GLI2: variants seen among roughly 807,000 people sequenced by gnomAD.
GLI2 encodes transcription activator GLI2.
GLI2 carries 22 observed loss-of-function variants against 78.9 expected under a neutral mutation model. That is an observed-to-expected ratio of 0.28 (90% CI 0.20 to 0.40). The LOEUF is 0.40. Among genes scored for constraint, GLI2 ranks in the 10% least tolerant of loss-of-function variants. The pLI is 1.00. For missense variants in GLI2, 2,097 were observed against 2,213.2 expected, an observed-to-expected ratio of 0.95 and a Z score of 1.05; for synonymous variants, 974 against 963.7, an observed-to-expected ratio of 1.01 and a Z score of -0.20.
intron 2 of GLI2, among the ~76,000 whole-genome samples, chr2:120,846,831 C>G (rs957841323): frequency 6.6e-6 from 1 of 152,202 alleles, no homozygotes; most frequent in African/African-American, 2.4e-5. Context: ...AGTTGCTGTG[C>G]AGATGGAAGC....
intron 2 of GLI2, among the ~76,000 whole-genome samples, chr2:120,809,027 A>G (rs1422098245): frequency 6.6e-6 from 1 of 152,204 alleles, no homozygotes; most frequent in Admixed American, 6.5e-5. Flanking sequence ...ACTACCTCCG[A>G]TAATTGAAAA....
At chr2:120,753,855 G>A (rs1682956637) in intron 1 of GLI2, among the ~76,000 whole-genome samples, 3 of 151,118 alleles carry the variant, frequency 2.0e-5, no homozygotes, top group African/African-American at 4.9e-5. Context: ...CTTGGCTCAC[G>A]CGGTGAGCCG....
chr2:120,945,113 C>G (rs1043720788), intron 3 of GLI2, among the ~76,000 whole-genome samples: 1 of 152,204 alleles, frequency 6.6e-6, no homozygotes. Context: ...TAAGGAGAGG[C>G]CTTTCCTGGC....
At chr2:120,882,225 G>A (rs914940904) in intron 2 of GLI2, among the ~76,000 whole-genome samples, 1 of 152,116 alleles carries the variant, frequency 6.6e-6, no homozygotes, top group Non-Finnish European at 1.5e-5. Context: ...CCTTCCAGGA[G>A]GCCAGGTGAC....
chr2:120,971,922 C>T lies in GLI2; in HGVS notation c.1060-19C>T, dbSNP rs764531512. 6.2e-7 allele frequency: 1 copy of T among 1,612,858 alleles called. No individual in the cohort carries two copies. The highest frequency in any genetic ancestry group is 8.5e-7 in the Non-Finnish European group (1 of 1,179,148). Reference sequence around the variant, plus strand: ...GCCCTGCCCCTGAGTAACAGACTGTCCTCTGCACCCTTCCTCAGAACAAGC... The same window carrying T: ...GCCCTGCCCCTGAGTAACAGACTGTTCTCTGCACCCTTCCTCAGAACAAGC... On this transcript the variant is annotated intron_variant, in intron 7 of 13. Coordinates refer to ENST00000361492, the MANE Select transcript of GLI2 (RefSeq NM_001374353.1).
At chr2:120,907,337 C>T (rs1486872876) in intron 2 of GLI2, among the ~76,000 whole-genome samples, 3 of 152,110 alleles carry the variant, frequency 2.0e-5, no homozygotes, top group African/African-American at 4.8e-5. Context: ...AGGCTGGGCC[C>T]GAGATCCTGC....
At chr2:120,854,877 C>T (rs1399798076) in intron 2 of GLI2, among the ~76,000 whole-genome samples, 1 of 152,230 alleles carries the variant, frequency 6.6e-6, no homozygotes, top group Admixed American at 6.5e-5. Context: ...GCTGCTGCTG[C>T]TGCTGTTGGC....
intron 2 of GLI2, among the ~76,000 whole-genome samples, chr2:120,908,065 G>A (rs1444899792): frequency 6.6e-6 from 1 of 152,192 alleles, no homozygotes. Flanking sequence ...ATGGCCTCAT[G>A]CCCACATGGG....
chr2:120,844,261 T>A (rs1056788126), intron 2 of GLI2, among the ~76,000 whole-genome samples: 1 of 152,216 alleles, frequency 6.6e-6, no homozygotes, highest in Non-Finnish European at 1.5e-5. Flanking sequence ...ATAGATGGTA[T>A]GTGCATGATC....
intron 2 of GLI2, among the ~76,000 whole-genome samples, chr2:120,816,345 G>A (rs1285460465): frequency 6.6e-6 from 1 of 152,040 alleles, no homozygotes; most frequent in Non-Finnish European, 1.5e-5. Context: ...ACAGGTGCGT[G>A]CCATCATGCC....
chr2:120,913,845 T>C (rs1266647860), intron 2 of GLI2, among the ~76,000 whole-genome samples: 1 of 152,210 alleles, frequency 6.6e-6, no homozygotes. Context: ...AGAGGTGCCT[T>C]GGCTCAGCCT....
intron 2 of GLI2, among the ~76,000 whole-genome samples, chr2:120,905,965 G>A (rs1182801248): frequency 1.3e-5 from 2 of 151,110 alleles, no homozygotes; most frequent in African/African-American, 2.5e-5. Context: ...CCGGTTACCT[G>A]CGTAGGCCAC....
At chr2:120,913,954 G>A (rs1016290151) in intron 2 of GLI2, among the ~76,000 whole-genome samples, 3 of 152,178 alleles carry the variant, frequency 2.0e-5, no homozygotes, top group Admixed American at 6.5e-5. Flanking sequence ...TGATGCTCTC[G>A]GCAGGACGCA....
At chr2:120,858,431 A>T (rs1033271411) in intron 2 of GLI2, among the ~76,000 whole-genome samples, 1 of 152,180 alleles carries the variant, frequency 6.6e-6, no homozygotes, top group Non-Finnish European at 1.5e-5. Flanking sequence ...GGCATAGATG[A>T]AGCTTGGCTC....
At position 120,891,397 on chromosome 2, in the gene GLI2, T is replaced by C. The variant is rs564256523; in HGVS notation, c.149-35964T>C. 2.6e-5 allele frequency among the ~76,000 whole-genome samples: 4 copies of C among 152,326 alleles called. No individual in the cohort carries two copies. In the South Asian group the frequency reaches 8.3e-4, roughly 32 times the overall value. On this transcript the variant is annotated intron_variant, in intron 2 of 13. Transcript: ENST00000361492. The stretch of plus-strand genomic sequence containing the variant: ...CTCTGTTTAACTTCTCTTCTTCAGT[T>C]TCCTTTTCCATGAAATGAAGGCAAA...
intron 1 of GLI2, among the ~76,000 whole-genome samples, chr2:120,767,236 GCC>G (rs902287397): frequency 6.6e-6 from 1 of 152,104 alleles, no homozygotes; most frequent in African/African-American, 2.4e-5. Flanking sequence ...AGAGCCTGGG[GCC>G]CCTGTGGAGA....
intron 1 of GLI2, among the ~76,000 whole-genome samples, chr2:120,754,567 A>G (rs1249071375): frequency 1.3e-5 from 2 of 152,192 alleles, no homozygotes; most frequent in Non-Finnish European, 2.9e-5. Context: ...TTATTTTGGA[A>G]TTCATCCATG....
chr2:120,835,678 A>G (rs1686577189), intron 2 of GLI2, among the ~76,000 whole-genome samples: 1 of 152,066 alleles, frequency 6.6e-6, no homozygotes, highest in African/African-American at 2.4e-5. Flanking sequence ...GAGCCACCGC[A>G]TCGGCCCAGA....
intron 2 of GLI2, among the ~76,000 whole-genome samples, chr2:120,890,513 GT>G (rs1326672496): frequency 2.0e-5 from 3 of 152,004 alleles, no homozygotes; most frequent in African/African-American, 7.2e-5. Flanking sequence ...CTGCGTGCAA[GT>G]AAAACTGAGG....
Sources: gnomAD v4.1 joint callset for allele counts (sites outside exome capture counted in the v4.1 genomes callset) on GRCh38, gnomAD v4.1.1 for gene constraint, MANE v1.5 for transcripts, NCBI Gene and HGNC (gene_info 2026-07-23, HGNC 2026-07-21) for gene names.